The following TVP23A variants were observed in gnomAD, a reference collection of about 807,000 sequenced individuals.
The protein encoded by TVP23A is Golgi apparatus membrane protein TVP23 homolog A.
A neutral mutation model predicts 31.7 loss-of-function variants in TVP23A; 21 were observed. That is an observed-to-expected ratio of 0.66 (90% CI 0.47 to 0.95). The LOEUF (loss-of-function observed/expected upper bound fraction) is 0.95. Ranked by LOEUF, TVP23A falls within the 40% of genes least tolerant of loss-of-function variation. TVP23A has a pLI of 0.00. For missense variants in TVP23A, 279 were observed against 255.6 expected, an observed-to-expected ratio of 1.09 and a Z score of -0.62; for synonymous variants, 104 against 96.0, an observed-to-expected ratio of 1.08 and a Z score of -0.49.
rs1057090929 is a variant in TVP23A, at chr16:10,766,948, A to C, written c.*2154T>G. The C allele has an allele frequency of 2.5e-6, 1 of 398,632 alleles. No homozygotes were observed. The highest frequency in any genetic ancestry group is 2.1e-5 in the African/African-American group (1 of 48,704). The allele number at this position is 398,632 out of a possible 1,614,324, so 24.7% of individuals were successfully genotyped here. On this transcript the variant is annotated 3_prime_UTR_variant, in exon 8 of 8. Coordinates refer to ENST00000299866, the MANE Select transcript of TVP23A (RefSeq NM_001079512.4). The surrounding 1 kb of genome is among the most constrained non-coding windows in gnomAD (Gnocchi z 4.8). ...CCTCTGGACCCTATTTTCCTGACTC[A>C]CTGGGCCATATGGGCTCCCCATCTC...
At chr16:10,783,606 G>A (rs1223450364) in intron 2 of TVP23A, among the ~76,000 whole-genome samples, 3 of 152,200 alleles carry the variant, frequency 2.0e-5, no homozygotes, top group Non-Finnish European at 4.4e-5. Flanking sequence ...AACCCAAGAA[G>A]CGGAGGTTGC....
chr16:10,768,018 G>A lies in TVP23A; in HGVS notation c.*1084C>T. On this transcript the variant is annotated 3_prime_UTR_variant, in exon 8 of 8. Coordinates refer to ENST00000299866, the MANE Select transcript of TVP23A (RefSeq NM_001079512.4). This position sits in a 1 kb window ranked among gnomAD's most constrained non-coding sequence, Gnocchi z 4.3. ...GATTCCCCAGCCACGTTAGCCTACA[G>A]AAGTATAATTCAGAGTAAGTATTTC... The A allele has an allele frequency of 6.2e-7, 1 of 1,614,060 alleles. No individual in the cohort carries two copies. The highest frequency in any genetic ancestry group is 1.6e-4 in the Middle Eastern group (1 of 6,062).
chr16:10,787,912 T>C (rs906128256), intron 2 of TVP23A, among the ~76,000 whole-genome samples: 2 of 152,186 alleles, frequency 1.3e-5, no homozygotes, highest in South Asian at 2.1e-4. Context: ...TTGCGTCAGA[T>C]GCCGGAGGCT....
chr16:10,814,064 T>C (rs1013276523), intron 2 of TVP23A, among the ~76,000 whole-genome samples: 5 of 149,730 alleles, frequency 3.3e-5, no homozygotes, highest in Non-Finnish European at 7.4e-5. Flanking sequence ...GGTAAATTCA[T>C]TTGTTCTCAG....
At chr16:10,783,185 G>A (rs538347481) in intron 2 of TVP23A, among the ~76,000 whole-genome samples, 3 of 152,184 alleles carry the variant, frequency 2.0e-5, no homozygotes, top group South Asian at 2.1e-4. Context: ...TGAACCATAC[G>A]AATCTCCTGT....
intron 2 of TVP23A, among the ~76,000 whole-genome samples, chr16:10,799,485 T>C (rs1022679719): frequency 4.6e-5 from 7 of 152,266 alleles, no homozygotes; most frequent in South Asian, 4.1e-4. Context: ...AGGTGCCTAC[T>C]ACCACGCCTG....
chr16:10,796,758 G>A (rs2033413122), intron 2 of TVP23A, among the ~76,000 whole-genome samples: 1 of 152,076 alleles, frequency 6.6e-6, no homozygotes, highest in African/African-American at 2.4e-5. Flanking sequence ...ATTTTATATA[G>A]CAACCAACTG....
At chr16:10,790,738 A>T (rs775349652) in intron 2 of TVP23A, among the ~76,000 whole-genome samples, 2 of 152,120 alleles carry the variant, frequency 1.3e-5, no homozygotes, top group Non-Finnish European at 1.5e-5. Context: ...CTTAGATAGG[A>T]ATTTGGGCAA....
chr16:10,818,363 A>G lies in TVP23A; in HGVS notation c.9+122T>C, dbSNP rs1209782919. 8 of 1,456,868 alleles carry G rather than the reference A, an allele frequency of 5.5e-6. No individual in the cohort carries two copies. Among genetic ancestry groups the G allele is most frequent in the Non-Finnish European group, 7.4e-6 (8 of 1,075,586 alleles). 90.2% of individuals were successfully genotyped at this position (1,456,868 alleles called of 1,614,324 possible). A position where few individuals can be genotyped will look rare whatever the true frequency, so the allele number is the denominator to read the frequency against. ...CAAAGCCCTCTCCACCCTCCCGACC[A>G]CCGGGTGCAGCCCAGCCCCAGGCCC... On this transcript the variant is annotated intron_variant, in intron 1 of 7. Coordinates refer to ENST00000299866, the MANE Select transcript of TVP23A (RefSeq NM_001079512.4). This position sits in a 1 kb window ranked among gnomAD's most constrained non-coding sequence, Gnocchi z 4.7.
At position 10,780,128 on chromosome 16, in the gene TVP23A, T is replaced by TG. The variant is rs1320792801; in HGVS notation, c.90-5033_90-5032insC. 2.0e-3 allele frequency among the ~76,000 whole-genome samples: 286 copies of TG among 145,650 alleles called. 1 individual carries two copies. Among genetic ancestry groups the TG allele is most frequent in the African/African-American group, 7.3e-3 (282 of 38,606 alleles). On this transcript the variant is annotated intron_variant, in intron 2 of 7. Coordinates refer to ENST00000299866, the MANE Select transcript of TVP23A (RefSeq NM_001079512.4). Reference sequence around the variant, plus strand: ...ATGAATGAATGAATGAATGAATGAATAAAATAAAATAAAGATTAACTTCTT... The same window carrying TG: ...ATGAATGAATGAATGAATGAATGAATGAAAATAAAATAAAGATTAACTTCTT...
downstream of TVP23A, among the ~76,000 whole-genome samples, chr16:10,762,299 G>A (rs774951912): frequency 3.3e-5 from 5 of 152,202 alleles, no homozygotes; most frequent in Non-Finnish European, 7.4e-5. Context: ...CTCCAGCACC[G>A]GGACAGACCG....
At chr16:10,796,601 AT>A (rs556930067) in intron 2 of TVP23A, among the ~76,000 whole-genome samples, 32 of 147,914 alleles carry the variant, frequency 2.2e-4, no homozygotes, top group African/African-American at 4.0e-4. Flanking sequence ...CCCAGCTAAT[AT>A]TTTTTTTTTG....
At chr16:10,786,987 ACAG>A (rs1234127989) in intron 2 of TVP23A, among the ~76,000 whole-genome samples, 1 of 152,012 alleles carries the variant, frequency 6.6e-6, no homozygotes, top group Non-Finnish European at 1.5e-5. Flanking sequence ...ATGGACTGTT[ACAG>A]CTGGATACAT....
chr16:10,770,777 A>G (rs2031539893), intron 6 of TVP23A, among the ~76,000 whole-genome samples: 4 of 148,738 alleles, frequency 2.7e-5, no homozygotes, highest in South Asian at 4.3e-4. Flanking sequence ...AGGCTGAGGC[A>G]GGAGAATCAC....
At chr16:10,804,529 C>T (rs1195980054) in intron 2 of TVP23A, among the ~76,000 whole-genome samples, 2 of 152,200 alleles carry the variant, frequency 1.3e-5, no homozygotes, top group Non-Finnish European at 2.9e-5. Flanking sequence ...AAGAGGATTG[C>T]CTGAGGCCAG....
At chr16:10,770,462 A>C in intron 6 of TVP23A, 131 bp from the exon 7 acceptor site, 3 of 931,270 alleles carry the variant, frequency 3.2e-6, no homozygotes, top group Non-Finnish European at 4.7e-6. Context: ...GTCTTGGCAT[A>C]AAGCAGTGCT....
intron 2 of TVP23A, among the ~76,000 whole-genome samples, chr16:10,793,617 T>A (rs2033222792): frequency 6.6e-6 from 1 of 152,002 alleles, no homozygotes; most frequent in African/African-American, 2.4e-5. Context: ...TTTATTTGGC[T>A]AGGTACGGTG....
At chr16:10,770,493 T>C (rs9925173) in intron 6 of TVP23A, among the ~76,000 whole-genome samples, 162 bp from the exon 7 acceptor site, 1 of 151,850 alleles carries the variant, frequency 6.6e-6, no homozygotes, top group Non-Finnish European at 1.5e-5. Context: ...AGGACGGTTC[T>C]ACCCATTTCA....
downstream of TVP23A, chr16:10,760,900 C>T (rs920235891): frequency 3.0e-5 from 5 of 167,876 alleles, no homozygotes; most frequent in Admixed American, 2.3e-4. Context: ...TAAAGAACTG[C>T]CTGAGACTGG....
Sources: gnomAD v4.1 joint callset for allele counts (sites outside exome capture counted in the v4.1 genomes callset) on GRCh38, gnomAD v4.1.1 for gene constraint, Gnocchi (gnomAD v3.1) non-coding constraint, MANE v1.5 for transcripts, NCBI Gene and HGNC (gene_info 2026-07-23, HGNC 2026-07-21) for gene names.